BBOF1: variants seen among roughly 807,000 people sequenced by gnomAD.
The protein encoded by BBOF1 is basal body-orientation factor 1.
BBOF1 carries 62 observed loss-of-function variants against 68.0 expected under a neutral mutation model. That is an observed-to-expected ratio of 0.91 (90% CI 0.74 to 1.13). The LOEUF (loss-of-function observed/expected upper bound fraction) is 1.13, where lower values mean the gene tolerates loss of function less well. BBOF1 is among the 50% of genes most tolerant of loss of function. The pLI is 0.00. For missense variants in BBOF1, 534 were observed against 600.1 expected, an observed-to-expected ratio of 0.89 and a Z score of 1.15; for synonymous variants, 208 against 198.8, an observed-to-expected ratio of 1.05 and a Z score of -0.39.
At chr14:74,019,580 G>C (rs1362565282) in intron 1 of BBOF1, 46 bp downstream of exon 1, 1 of 1,555,436 alleles carries the variant, frequency 6.4e-7, no homozygotes, top group East Asian at 2.4e-5. Flanking sequence ...GGCCTGCCTG[G>C]GATTTCGGGT....
At chr14:74,074,621 TA>T (rs2060592310) in intron 9 of BBOF1, among the ~76,000 whole-genome samples, 1 of 152,164 alleles carries the variant, frequency 6.6e-6, no homozygotes, top group African/African-American at 2.4e-5. Flanking sequence ...AGTGTGTGCA[TA>T]CTTCTGTGTA....
chr14:74,027,749 A>G (rs908536608), intron 2 of BBOF1, among the ~76,000 whole-genome samples: 11 of 152,072 alleles, frequency 7.2e-5, no homozygotes, highest in African/African-American at 2.7e-4. Context: ...CCAAAAACAT[A>G]CAACCTGAAT....
downstream of BBOF1, among the ~76,000 whole-genome samples, chr14:74,067,847 C>T (rs758602745): frequency 2.0e-5 from 3 of 151,994 alleles, no homozygotes; most frequent in African/African-American, 4.8e-5. Context: ...ACCACTTGAT[C>T]CTGGGAGGCG....
At chr14:74,068,852 G>T (rs1350454757), downstream of BBOF1, 6 of 1,613,742 alleles carry the variant, frequency 3.7e-6, no homozygotes, top group Non-Finnish European at 1.7e-6. Flanking sequence ...AAAGGAATAA[G>T]AAGTCACCAT....
chr14:74,038,186 T>C (rs2059752425), intron 4 of BBOF1, among the ~76,000 whole-genome samples: 1 of 152,202 alleles, frequency 6.6e-6, no homozygotes, highest in Non-Finnish European at 1.5e-5. Flanking sequence ...CATAGTAATG[T>C]TGAATTAATC....
intron 1 of BBOF1, 107 bp downstream of exon 1, chr14:74,019,641 C>T: frequency 6.7e-7 from 1 of 1,500,650 alleles, no homozygotes. Flanking sequence ...GGACCCTCTC[C>T]CCGGCTCTCC....
At chr14:74,043,556 CAAAAAA>C (rs1162364604) in intron 5 of BBOF1, among the ~76,000 whole-genome samples, 101 of 26,842 alleles carry the variant, frequency 3.8e-3, no homozygotes, top group African/African-American at 0.012. Context: ...GACTCCGTCT[CAAAAAA>C]AAAAAAAAAA....
At chr14:74,039,467 T>C (rs754723073) in intron 4 of BBOF1, among the ~76,000 whole-genome samples, 2 of 152,166 alleles carry the variant, frequency 1.3e-5, no homozygotes, top group Non-Finnish European at 2.9e-5. Flanking sequence ...TCACTTTTGT[T>C]GCCCAGGTTG....
At chr14:74,030,166 A>G (rs935400712) in intron 3 of BBOF1, among the ~76,000 whole-genome samples, 1 of 151,992 alleles carries the variant, frequency 6.6e-6, no homozygotes, top group African/African-American at 2.4e-5. Context: ...ACTCAACAAC[A>G]CATTTTGCTT....
At position 74,040,581 on chromosome 14, in the gene BBOF1, G is replaced by T; in HGVS notation, c.512G>T (p.Arg171Ile). The T allele has an allele frequency of 6.3e-7, 1 of 1,579,330 alleles. No homozygotes were observed. Among genetic ancestry groups the T allele is most frequent in the South Asian group, 1.2e-5 (1 of 83,668 alleles). Residue 171 changes from arginine to isoleucine, a missense_variant, in exon 5 of 12, where the codon AGA (arginine) becomes ATA (isoleucine). By Grantham distance (97) the Arg-to-Ile change is moderately conservative. Coordinates refer to ENST00000394009, the MANE Select transcript of BBOF1 (RefSeq NM_025057.3). ...TAATTTTAGCTGAAAGAGAATTTAA[G>T]AAACACAGAGCGGATACATCAGGAG... ...RELDDLKENL[R>I]NTERIHQETL... is the part of the protein sequence containing the mutation.
chr14:74,025,955 C>T (rs1054666567), intron 2 of BBOF1, among the ~76,000 whole-genome samples: 1 of 151,030 alleles, frequency 6.6e-6, no homozygotes, highest in African/African-American at 2.4e-5. Flanking sequence ...TCCTGGCCAA[C>T]AGAGTGAAAC....
At chr14:74,069,549 G>A (rs1228256849), downstream of BBOF1, among the ~76,000 whole-genome samples, 2 of 151,728 alleles carry the variant, frequency 1.3e-5, no homozygotes, top group African/African-American at 4.8e-5. Context: ...TCAGGAGTTC[G>A]AGACCTTCCT....
At chr14:74,025,926 G>A (rs1000819175) in intron 2 of BBOF1, among the ~76,000 whole-genome samples, 5 of 146,638 alleles carry the variant, frequency 3.4e-5, no homozygotes, top group African/African-American at 1.3e-4. Context: ...CATCACATGA[G>A]GCCAGGAGTT....
chr14:74,061,649 A>T (rs1435721198), intron 11 of BBOF1, among the ~76,000 whole-genome samples: 3 of 152,172 alleles, frequency 2.0e-5, no homozygotes, highest in Non-Finnish European at 4.4e-5. Context: ...ATTATCAGAG[A>T]TCATGAGCTC....
intron 10 of BBOF1, among the ~76,000 whole-genome samples, chr14:74,079,390 G>T (rs913608989): frequency 1.3e-5 from 2 of 151,600 alleles, no homozygotes; most frequent in East Asian, 1.9e-4. Context: ...GGGATTACAG[G>T]CATATGCCAC....
Position 74,060,690 on chromosome 14 carries a change from ATCT to A in BBOF1, c.1578+3440_1578+3442del, listed in dbSNP as rs771596943. 564 of 1,614,030 alleles carry A rather than the reference ATCT, an allele frequency of 3.5e-4. 2 individuals carry two copies. The highest frequency in any genetic ancestry group is 1.2e-3 in the Middle Eastern group (7 of 6,062). On this transcript the variant is annotated intron_variant, in intron 11 of 11. Transcript: ENST00000394009. ...CAACAGCAGGTGAGGAAAGAGTAGCATCTTCTTCTTTCCACTGAGAAGTAATGG... is the reference window on the plus strand; with the variant it reads ...CAACAGCAGGTGAGGAAAGAGTAGCATCTTCTTTCCACTGAGAAGTAATGG...
At chr14:74,080,368 C>CTT (rs35450547) in intron 10 of BBOF1, among the ~76,000 whole-genome samples, 32,658 of 128,870 alleles carry the variant, frequency 0.25, 5,500 homozygotes, top group African/African-American at 0.43. Context: ...TAAACTCTTT[C>CTT]TTTTTTTTTT....
chr14:74,045,916 G>C, intron 5 of BBOF1, 144 bp from the exon 6 acceptor site: 2 of 623,828 alleles, frequency 3.2e-6, no homozygotes, highest in East Asian at 6.1e-5. Context: ...TGTCCTCTTT[G>C]TCAGCTTCTC....
At chr14:74,071,029 C>T, downstream of BBOF1, 1 of 724,088 alleles carries the variant, frequency 1.4e-6, no homozygotes, top group South Asian at 1.6e-5. Context: ...CAATCAGTTA[C>T]CTTGGCGCAC....
Sources: allele counts gnomAD v4.1 joint callset (sites outside exome capture counted in the v4.1 genomes callset), GRCh38; gene constraint gnomAD v4.1.1; transcripts MANE v1.5; gene names NCBI Gene and HGNC (gene_info 2026-07-23, HGNC 2026-07-21).